The following VPS45 variants were observed in gnomAD, a reference collection of about 807,000 sequenced individuals.
VPS45 encodes vacuolar protein sorting 45 homolog.
VPS45 carries 35 observed loss-of-function variants against 75.9 expected under a neutral mutation model. That is an observed-to-expected ratio of 0.46 (90% CI 0.35 to 0.61). The LOEUF is 0.61. Among genes scored for constraint, VPS45 ranks in the 20% least tolerant of loss-of-function variants. VPS45 has a pLI of 0.00. For missense variants in VPS45, 559 were observed against 685.9 expected, an observed-to-expected ratio of 0.81 and a Z score of 2.07; for synonymous variants, 220 against 238.2, an observed-to-expected ratio of 0.92 and a Z score of 0.70.
chr1:150,089,382 A>G (rs587650436), intron 10 of VPS45, among the ~76,000 whole-genome samples: 36 of 151,922 alleles, frequency 2.4e-4, no homozygotes, highest in African/African-American at 7.5e-4. Context: ...TTTATTTGAG[A>G]CAGTTTCACT....
chr1:150,099,507 A>AT (rs1656851907), intron 13 of VPS45, among the ~76,000 whole-genome samples: 2 of 1,322 alleles, frequency 1.5e-3, no homozygotes, highest in African/African-American at 6.0e-3. Context: ...GTGAGACTCC[A>AT]TTAAAAAAAA....
intron 13 of VPS45, among the ~76,000 whole-genome samples, chr1:150,101,742 A>C (rs1657025025): frequency 6.6e-6 from 1 of 152,038 alleles, no homozygotes; most frequent in African/African-American, 2.4e-5. Flanking sequence ...CTTGAAAAAA[A>C]AAAAAGTCAA....
chr1:150,112,919 A>C (rs1242372077), intron 14 of VPS45, among the ~76,000 whole-genome samples: 1 of 152,168 alleles, frequency 6.6e-6, no homozygotes, highest in Non-Finnish European at 1.5e-5. Context: ...GGCAAGGTAT[A>C]GGGGTGGGGT....
intron 10 of VPS45, among the ~76,000 whole-genome samples, chr1:150,090,492 G>A (rs1329663728): frequency 6.6e-6 from 1 of 152,104 alleles, no homozygotes; most frequent in Non-Finnish European, 1.5e-5. Context: ...AGGGTTATGA[G>A]AATATAGGGT....
intron 7 of VPS45, among the ~76,000 whole-genome samples, chr1:150,079,922 G>T (rs1655605585): frequency 6.6e-6 from 1 of 152,112 alleles, no homozygotes; most frequent in African/African-American, 2.4e-5. Context: ...CTATTATTCT[G>T]TCTCCCAAAG....
At chr1:150,122,572 G>A (rs1345480807) in intron 14 of VPS45, among the ~76,000 whole-genome samples, 1 of 151,946 alleles carries the variant, frequency 6.6e-6, no homozygotes, top group African/African-American at 2.4e-5. Flanking sequence ...AGCACTTTTG[G>A]GTTGGGGTTT....
chr1:150,124,311 C>T (rs76850377), intron 14 of VPS45, among the ~76,000 whole-genome samples: 3,273 of 151,838 alleles, frequency 0.022, 98 homozygotes, highest in African/African-American at 0.074. Context: ...ATACAAAAAT[C>T]AGTCAGACGT....
At chr1:150,071,462 A>C (rs936494973) in intron 2 of VPS45, among the ~76,000 whole-genome samples, 1 of 152,184 alleles carries the variant, frequency 6.6e-6, no homozygotes, top group Non-Finnish European at 1.5e-5. Context: ...TTAATTTTTA[A>C]AGGAATAGAC....
intron 14 of VPS45, among the ~76,000 whole-genome samples, chr1:150,140,680 T>A (rs1659350383): frequency 6.6e-6 from 1 of 152,098 alleles, no homozygotes; most frequent in Admixed American, 6.6e-5. Context: ...ATTATGTTAT[T>A]TCTGGAGTGA....
intron 14 of VPS45, among the ~76,000 whole-genome samples, chr1:150,114,904 T>TAAAAA (rs11437363): frequency 7.0e-6 from 1 of 143,442 alleles, no homozygotes. Flanking sequence ...GACCCTGTCT[T>TAAAAA]AAAAAAAAAA....
Position 150,107,856 on chromosome 1 carries a change from G to T in VPS45, c.1494-2640G>T, listed in dbSNP as rs1437792229. ...GCAGAGGTTGCAGTGAGCTGACATTGCACCACTGCACTCCAGCCTGGGTGA... is the reference window on the plus strand; with the variant it reads ...GCAGAGGTTGCAGTGAGCTGACATTTCACCACTGCACTCCAGCCTGGGTGA... On this transcript the variant is annotated intron_variant, in intron 13 of 14. Transcript: ENST00000644510. Among the ~76,000 whole-genome samples, 7 of 152,294 alleles carry T rather than the reference G, an allele frequency of 4.6e-5. No individual in the cohort carries two copies. In the East Asian group the frequency reaches 1.3e-3, roughly 29 times the overall value.
intron 7 of VPS45, among the ~76,000 whole-genome samples, chr1:150,080,149 G>GTT (rs869177411): frequency 0.049 from 7,102 of 145,282 alleles, 559 homozygotes; most frequent in African/African-American, 0.16. Flanking sequence ...TTTGTTGTAC[G>GTT]TTTTTTTTTT....
At chr1:150,129,694 G>A (rs1658716466) in intron 14 of VPS45, among the ~76,000 whole-genome samples, 1 of 151,574 alleles carries the variant, frequency 6.6e-6, no homozygotes, top group Admixed American at 6.6e-5. Context: ...CGAGTAGCTG[G>A]GACTACACGC....
chr1:150,069,670 A>G (rs587656519), intron 2 of VPS45, among the ~76,000 whole-genome samples: 37 of 152,090 alleles, frequency 2.4e-4, no homozygotes, highest in African/African-American at 8.7e-4. Flanking sequence ...GTTAGCCAGG[A>G]TGGTCTTGAT....
intron 13 of VPS45, among the ~76,000 whole-genome samples, chr1:150,104,263 A>C (rs1326761228): frequency 6.6e-6 from 1 of 152,076 alleles, no homozygotes; most frequent in African/African-American, 2.4e-5. Context: ...CCCATTTATA[A>C]GTGAGAATAT....
intron 7 of VPS45, among the ~76,000 whole-genome samples, chr1:150,080,333 G>T (rs1403663536): frequency 6.6e-6 from 1 of 151,912 alleles, no homozygotes; most frequent in East Asian, 1.9e-4. Flanking sequence ...TAGTAGAGAT[G>T]GGGTTTCACC....
chr1:150,101,268 CA>C (rs782740342), intron 13 of VPS45, among the ~76,000 whole-genome samples: 11 of 137,180 alleles, frequency 8.0e-5, no homozygotes, highest in Non-Finnish European at 9.3e-5. Context: ...AACCCTGTCG[CA>C]AAAAAAAAAA....
chr1:150,093,217 CCTTTT>C (rs1166826157), intron 12 of VPS45, among the ~76,000 whole-genome samples: 1 of 152,044 alleles, frequency 6.6e-6, no homozygotes, highest in Non-Finnish European at 1.5e-5. Flanking sequence ...ATAATCCTTT[CCTTTT>C]ATTTGCTCTA....
intron 14 of VPS45, among the ~76,000 whole-genome samples, chr1:150,135,593 G>T (rs1486499195): frequency 6.6e-6 from 1 of 151,318 alleles, no homozygotes; most frequent in African/African-American, 2.4e-5. Context: ...ACAAAATACT[G>T]AAAGTCAAAG....
Sources: allele counts gnomAD v4.1 joint callset (sites outside exome capture counted in the v4.1 genomes callset), GRCh38; gene constraint gnomAD v4.1.1; transcripts MANE v1.5; gene names NCBI Gene and HGNC (gene_info 2026-07-23, HGNC 2026-07-21).